EHBP1: variants seen among roughly 807,000 people sequenced by gnomAD.
The protein encoded by EHBP1 is EH domain binding protein 1, also known as EH domain-binding protein 1.
EHBP1 carries 55 observed loss-of-function variants against 144.0 expected under a neutral mutation model. The observed-to-expected ratio is 0.38, with a 90% CI of 0.31 to 0.48. The LOEUF (loss-of-function observed/expected upper bound fraction) is 0.48. Ranked by LOEUF, EHBP1 falls within the 20% of genes least tolerant of loss-of-function variation. The probability of loss-of-function intolerance (pLI) is 0.98; values close to 1 mark genes in which losing one functional copy is unlikely to be tolerated. For missense variants in EHBP1, 1,200 were observed against 1,364.2 expected (o/e 0.88, Z 1.90); for synonymous variants, 469 against 472.7 (o/e 0.99, Z 0.10).
intron 8 of EHBP1, among the ~76,000 whole-genome samples, chr2:62,863,833 C>CTT (rs2049806778): frequency 3.3e-5 from 2 of 61,066 alleles, no homozygotes; most frequent in African/African-American, 5.3e-5. Context: ...TTTTATTTTT[C>CTT]TGTGTTGTTT....
At chr2:62,935,808 A>G (rs2056346237) in intron 10 of EHBP1, among the ~76,000 whole-genome samples, 1 of 152,176 alleles carries the variant, frequency 6.6e-6, no homozygotes, top group Admixed American at 6.5e-5. Flanking sequence ...GTGAAAGAAG[A>G]TTCTGTATTA....
chr2:62,701,607 A>G (rs564996462), upstream of EHBP1, among the ~76,000 whole-genome samples: 35 of 152,310 alleles, frequency 2.3e-4, no homozygotes, highest in African/African-American at 7.9e-4. Context: ...GGTGAGTGCA[A>G]TGCTGAGGAT....
chr2:62,699,701 T>C (rs1435979955), intron 1 of EHBP1, among the ~76,000 whole-genome samples: 1 of 152,240 alleles, frequency 6.6e-6, no homozygotes, highest in African/African-American at 2.4e-5. Context: ...TATGCCATGT[T>C]GTTAACACAC....
chr2:63,004,614 C>T (rs1251828765), intron 19 of EHBP1, among the ~76,000 whole-genome samples: 1 of 151,988 alleles, frequency 6.6e-6, no homozygotes, highest in Non-Finnish European at 1.5e-5. Flanking sequence ...AATAAGAGAA[C>T]AAATGGTTTT....
At position 63,019,826 on chromosome 2, in the gene EHBP1, G is replaced by A. The variant is rs1181023763; in HGVS notation, c.3104-17709G>A. The stretch of plus-strand genomic sequence containing the variant: ...AGGAAAGGATAGGGAAGGGAAGAGG[G>A]GGAGGGAAGGAAGGAAGGAAGGAAG... On this transcript the variant is annotated intron_variant, in intron 19 of 22. Transcript: ENST00000431489. Among the ~76,000 whole-genome samples the A allele has an allele frequency of 5.8e-4, 20 of 34,722 alleles. 1 individual carries two copies. Among genetic ancestry groups the A allele is most frequent in the Admixed American group, 1.7e-3 (6 of 3,510 alleles). 22.8% of individuals were successfully genotyped at this position (34,722 alleles called of 152,430 possible).
At chr2:62,944,537 AC>A (rs2056954591) in intron 12 of EHBP1, among the ~76,000 whole-genome samples, 2 of 152,334 alleles carry the variant, frequency 1.3e-5, no homozygotes, top group African/African-American at 4.8e-5. Flanking sequence ...GTAAGTACCC[AC>A]TGTGATGTTT....
At chr2:62,812,377 T>G (rs1388820179) in intron 5 of EHBP1, among the ~76,000 whole-genome samples, 1 of 152,170 alleles carries the variant, frequency 6.6e-6, no homozygotes, top group Non-Finnish European at 1.5e-5. Flanking sequence ...GTTTTGGAGC[T>G]TGGTGAAAGG....
intron 7 of EHBP1, among the ~76,000 whole-genome samples, chr2:62,836,792 A>C (rs1403800113): frequency 3.3e-5 from 5 of 149,310 alleles, no homozygotes; most frequent in Non-Finnish European, 6.0e-5. Flanking sequence ...TTAGAGAAAA[A>C]AGAATAAAAA....
At chr2:62,759,821 A>G (rs1339434464) in intron 3 of EHBP1, among the ~76,000 whole-genome samples, 2 of 152,194 alleles carry the variant, frequency 1.3e-5, no homozygotes, top group Non-Finnish European at 2.9e-5. Context: ...TAAACTTGTC[A>G]TTCTTTTTCT....
chr2:62,858,353 C>G, intron 7 of EHBP1: 1 of 1,255,118 alleles, frequency 8.0e-7, no homozygotes, highest in African/African-American at 1.5e-5. Context: ...TCCTACTTCT[C>G]TTTAATTAAA....
At chr2:62,852,351 G>T (rs2048739457) in intron 7 of EHBP1, among the ~76,000 whole-genome samples, 1 of 152,044 alleles carries the variant, frequency 6.6e-6, no homozygotes, top group Admixed American at 6.5e-5. Context: ...GGTTATTGAT[G>T]AGAATTAGCT....
chr2:62,965,433 C>T (rs1329410336), intron 14 of EHBP1, among the ~76,000 whole-genome samples: 1 of 152,088 alleles, frequency 6.6e-6, no homozygotes, highest in African/African-American at 2.4e-5. Context: ...CTTACAATGC[C>T]TTAATGAGAG....
intron 10 of EHBP1, among the ~76,000 whole-genome samples, chr2:62,888,772 CT>C (rs1486324297): frequency 3.9e-5 from 6 of 152,068 alleles, no homozygotes; most frequent in Admixed American, 1.3e-4. Flanking sequence ...GTTAGCTCAC[CT>C]TTACTACATG....
intron 8 of EHBP1, 93 bp downstream of exon 8, chr2:62,859,384 A>G: frequency 8.3e-7 from 1 of 1,202,452 alleles, no homozygotes; most frequent in South Asian, 1.8e-5. Flanking sequence ...AGACTAACAC[A>G]CAAAAAATTA....
At chr2:62,959,120 C>T (rs938010526) in intron 14 of EHBP1, among the ~76,000 whole-genome samples, 3 of 152,284 alleles carry the variant, frequency 2.0e-5, no homozygotes, top group East Asian at 1.9e-4. Flanking sequence ...TAAGTGGAAT[C>T]GCGCAGTATT....
chr2:62,907,736 CA>C (rs2053914953), intron 10 of EHBP1, among the ~76,000 whole-genome samples: 1 of 152,226 alleles, frequency 6.6e-6, no homozygotes, highest in African/African-American at 2.4e-5. Flanking sequence ...TAGGGGGACA[CA>C]AGCATCCAGT....
At chr2:62,732,128 G>T (rs1019253797) in intron 2 of EHBP1, among the ~76,000 whole-genome samples, 1 of 152,062 alleles carries the variant, frequency 6.6e-6, no homozygotes, top group African/African-American at 2.4e-5. Context: ...TATAGGTACG[G>T]TGTTTTTTCC....
At chr2:62,726,345 C>T (rs1238577044) in intron 2 of EHBP1, among the ~76,000 whole-genome samples, 1 of 152,234 alleles carries the variant, frequency 6.6e-6, no homozygotes, top group African/African-American at 2.4e-5. Context: ...CACCCAGTCT[C>T]CTGGAATCCT....
At chr2:62,729,754 T>G (rs1408298390) in intron 2 of EHBP1, among the ~76,000 whole-genome samples, 1 of 151,200 alleles carries the variant, frequency 6.6e-6, no homozygotes, top group Non-Finnish European at 1.5e-5. Context: ...ACATATGTGG[T>G]CTTGTTAGAT....
Sources: gnomAD v4.1 joint callset for allele counts (sites outside exome capture counted in the v4.1 genomes callset) on GRCh38, gnomAD v4.1.1 for gene constraint, MANE v1.5 for transcripts, NCBI Gene and HGNC (gene_info 2026-07-23, HGNC 2026-07-21) for gene names.